SHOC2: variants seen among roughly 807,000 people sequenced by gnomAD.
SHOC2 encodes the protein leucine-rich repeat protein SHOC-2.
SHOC2 carries 4 observed loss-of-function variants against 50.2 expected under a neutral mutation model. That is an observed-to-expected ratio of 0.08 (90% confidence interval 0.04 to 0.18). The LOEUF is 0.18. SHOC2 is among the 10% of genes least tolerant of loss of function. SHOC2 has a pLI of 1.00. For missense variants in SHOC2, 388 were observed against 669.6 expected (o/e 0.58, Z 4.64); for synonymous variants, 218 against 244.5 (o/e 0.89, Z 1.01).
chr10:110,999,608 G>A (rs1848329982), intron 3 of SHOC2, among the ~76,000 whole-genome samples: 1 of 151,776 alleles, frequency 6.6e-6, no homozygotes, highest in African/African-American at 2.4e-5. Context: ...ATGGTGGTGG[G>A]CACCTGTAAT....
intron 4 of SHOC2, among the ~76,000 whole-genome samples, chr10:111,002,858 G>T (rs1423745542): frequency 6.6e-6 from 1 of 151,970 alleles, no homozygotes; most frequent in East Asian, 1.9e-4. Flanking sequence ...GCTTCTTGTT[G>T]CCCCTTCTCA....
At position 111,011,593 on chromosome 10, in the gene SHOC2, A is replaced by AT. The variant is rs371544139; in HGVS notation, c.1541-7dup. The stretch of plus-strand genomic sequence containing the variant: ...GCAACTAATTTTTAAAAAAAAATTG[A>AT]TTTTTTTTTTAAACAGGTACACTGG... On this transcript the variant is annotated splice_polypyrimidine_tract_variant and intron_variant, in intron 8 of 8. Transcript: ENST00000369452. The AT allele has an allele frequency of 1.3e-3, 1,933 of 1,530,892 alleles. 3 individuals are homozygous for AT. The highest frequency in any genetic ancestry group is 4.4e-3 in the Middle Eastern group (26 of 5,858). The allele number at this position is 1,530,892 out of a possible 1,614,324, so 94.8% of individuals were successfully genotyped here.
At chr10:110,944,384 C>CAAA (rs11386096) in intron 1 of SHOC2, among the ~76,000 whole-genome samples, 7 of 135,962 alleles carry the variant, frequency 5.1e-5, no homozygotes, top group South Asian at 2.3e-4. Flanking sequence ...ATCTTTGAGC[C>CAAA]AAAAAAAAAA....
chr10:110,965,538 A>G (rs1219011804), intron 2 of SHOC2, among the ~76,000 whole-genome samples: 1 of 152,190 alleles, frequency 6.6e-6, no homozygotes, highest in Non-Finnish European at 1.5e-5. Flanking sequence ...ACAAAAGAGC[A>G]GTGTCATAAG....
chr10:111,009,192 A>G (rs1848523583), intron 6 of SHOC2, 56 bp from the exon 7 acceptor site: 1 of 1,211,036 alleles, frequency 8.3e-7, no homozygotes, highest in Non-Finnish European at 1.2e-6. Context: ...CCACACAATG[A>G]CAGTATATAA....
At chr10:110,962,895 A>C (rs984826925) in intron 1 of SHOC2, among the ~76,000 whole-genome samples, 3 of 152,222 alleles carry the variant, frequency 2.0e-5, no homozygotes, top group African/African-American at 7.2e-5. Context: ...TGAGGATTTA[A>C]TAATATGCTG....
At chr10:110,998,863 A>T (rs1013302889) in intron 3 of SHOC2, among the ~76,000 whole-genome samples, 1 of 152,222 alleles carries the variant, frequency 6.6e-6, no homozygotes, top group Non-Finnish European at 1.5e-5. Context: ...AAAGATGCAG[A>T]TGATTGATGA....
At chr10:110,938,005 G>A (rs1847062925) in intron 1 of SHOC2, among the ~76,000 whole-genome samples, 3 of 152,172 alleles carry the variant, frequency 2.0e-5, no homozygotes, top group Admixed American at 6.5e-5. Context: ...AAACTTTCAT[G>A]TACAAAGTTC....
At chr10:110,979,130 C>T (rs1847927373) in intron 2 of SHOC2, among the ~76,000 whole-genome samples, 1 of 152,192 alleles carries the variant, frequency 6.6e-6, no homozygotes, top group Non-Finnish European at 1.5e-5. Flanking sequence ...GAAGACTCAT[C>T]TGGGAAAGGA....
chr10:110,932,557 T>C (rs180910538), intron 1 of SHOC2, among the ~76,000 whole-genome samples: 1 of 152,182 alleles, frequency 6.6e-6, no homozygotes, highest in Non-Finnish European at 1.5e-5. Context: ...ATTGTCAGAA[T>C]GTAAACATTG....
At chr10:110,977,018 T>A (rs1847890627) in intron 2 of SHOC2, among the ~76,000 whole-genome samples, 1 of 152,210 alleles carries the variant, frequency 6.6e-6, no homozygotes, top group South Asian at 2.1e-4. Context: ...AGTGTCTAAA[T>A]CTTACTGTTC....
At chr10:110,938,361 A>G (rs1401315905) in intron 1 of SHOC2, among the ~76,000 whole-genome samples, 1 of 152,162 alleles carries the variant, frequency 6.6e-6, no homozygotes, top group Non-Finnish European at 1.5e-5. Flanking sequence ...CTTCACAGAA[A>G]ATTTTAATGC....
At chr10:110,968,893 A>AC (rs1285486220) in intron 2 of SHOC2, among the ~76,000 whole-genome samples, 1 of 152,232 alleles carries the variant, frequency 6.6e-6, no homozygotes. Flanking sequence ...TAACCACGAC[A>AC]CAAGGTTGGG....
chr10:110,937,016 A>G (rs774735058), intron 1 of SHOC2: 45 of 1,484,020 alleles, frequency 3.0e-5, no homozygotes, highest in Non-Finnish European at 3.9e-5. Context: ...GGGGGCCCGG[A>G]AGTGGTAGGG....
intron 1 of SHOC2, among the ~76,000 whole-genome samples, chr10:110,961,008 A>G (rs1424943259): frequency 6.6e-6 from 1 of 152,104 alleles, no homozygotes; most frequent in Non-Finnish European, 1.5e-5. Flanking sequence ...GGGGTCACTA[A>G]TGGTTAAGTG....
At chr10:110,999,736 C>CAAAAAAA (rs145780250) in intron 3 of SHOC2, among the ~76,000 whole-genome samples, 49 of 81,550 alleles carry the variant, frequency 6.0e-4, no homozygotes, top group Non-Finnish European at 8.2e-4. Context: ...GACTCAGTCT[C>CAAAAAAA]AAAAAAAAAA....
At chr10:111,004,526 T>G in intron 4 of SHOC2, 80 bp from the exon 5 acceptor site, 7 of 1,024,386 alleles carry the variant, frequency 6.8e-6, no homozygotes, top group African/African-American at 1.6e-5. Context: ...CTTTGAGGCA[T>G]TTGTGTTGGG....
intron 1 of SHOC2, chr10:110,936,702 G>A (rs749325875): frequency 3.3e-5 from 31 of 932,654 alleles, no homozygotes; most frequent in South Asian, 3.0e-4. Context: ...GCCTGTTTCC[G>A]TAGGCTTATG....
intron 1 of SHOC2, among the ~76,000 whole-genome samples, chr10:110,932,368 C>T (rs1437944096): frequency 6.6e-6 from 1 of 152,108 alleles, no homozygotes; most frequent in Non-Finnish European, 1.5e-5. Context: ...AAAGATCACT[C>T]TAATTACAAC....
Sources: gnomAD v4.1 joint callset for allele counts (sites outside exome capture counted in the v4.1 genomes callset) on GRCh38, gnomAD v4.1.1 for gene constraint, MANE v1.5 for transcripts, NCBI Gene and HGNC (gene_info 2026-07-23, HGNC 2026-07-21) for gene names.